The following CWF19L2 variants were observed in gnomAD, a reference collection of about 807,000 sequenced individuals.
CWF19L2 encodes the protein CWF19-like protein 2.
CWF19L2 carries 98 observed loss-of-function variants against 111.7 expected under a neutral mutation model. The observed-to-expected ratio is 0.88, with a 90% CI of 0.75 to 1.04. CWF19L2 has a LOEUF of 1.04. Ranked by LOEUF, CWF19L2 falls within the 50% of genes least tolerant of loss-of-function variation. CWF19L2 has a pLI of 0.00. For missense variants in CWF19L2, 1,101 were observed against 1,051.4 expected, an observed-to-expected ratio of 1.05 and a Z score of -0.65; for synonymous variants, 351 against 342.9, an observed-to-expected ratio of 1.02 and a Z score of -0.26.
Position 107,395,100 on chromosome 11 carries a change from T to A in CWF19L2, c.1618-2205A>T, listed in dbSNP as rs906953388. Reference sequence around the variant, plus strand: ...AAATCTCATCTTGTAGCTCCCATAATTTCCACGTGTTGTAGGAGGGACCCG... The same window carrying A: ...AAATCTCATCTTGTAGCTCCCATAAATTCCACGTGTTGTAGGAGGGACCCG... On this transcript the variant is annotated intron_variant, in intron 10 of 17. Transcript: ENST00000282251. Among the ~76,000 whole-genome samples, 13 of 152,328 alleles carry A rather than the reference T, an allele frequency of 8.5e-5. 1 individual carries two copies. Among genetic ancestry groups the A allele is most frequent in the African/African-American group, 2.9e-4 (12 of 41,580 alleles).
At chr11:107,394,590 T>C (rs891575210) in intron 10 of CWF19L2, among the ~76,000 whole-genome samples, 9 of 152,214 alleles carry the variant, frequency 5.9e-5, no homozygotes, top group African/African-American at 2.2e-4. Flanking sequence ...ATTCATTCAT[T>C]ATTCATTCAT....
chr11:107,455,540 C>T (rs1861841501), intron 2 of CWF19L2, 126 bp downstream of exon 2: 1 of 560,332 alleles, frequency 1.8e-6, no homozygotes, highest in Non-Finnish European at 3.1e-6. Flanking sequence ...TTCAGCAATG[C>T]CAACTATGTG....
At chr11:107,379,264 T>C (rs943037926) in intron 12 of CWF19L2, among the ~76,000 whole-genome samples, 4 of 152,246 alleles carry the variant, frequency 2.6e-5, no homozygotes, top group Non-Finnish European at 5.9e-5. Flanking sequence ...GAGGCAATTT[T>C]GCTTCCTGCC....
chr11:107,396,296 G>T (rs1313734278), intron 10 of CWF19L2, among the ~76,000 whole-genome samples: 4 of 152,118 alleles, frequency 2.6e-5, no homozygotes, highest in Non-Finnish European at 4.4e-5. Context: ...AATGCTCCAG[G>T]TTTTTAAATT....
chr11:107,334,546 G>A (rs1859893937), intron 16 of CWF19L2, among the ~76,000 whole-genome samples: 1 of 152,166 alleles, frequency 6.6e-6, no homozygotes, highest in African/African-American at 2.4e-5. Context: ...ATATATTTCA[G>A]GAAGGCCCTT....
chr11:107,360,673 G>C (rs1860314438), intron 12 of CWF19L2, among the ~76,000 whole-genome samples: 1 of 152,148 alleles, frequency 6.6e-6, no homozygotes, highest in African/African-American at 2.4e-5. Flanking sequence ...TTTAATAGTA[G>C]CCATTCTGGC....
chr11:107,416,043 G>A (rs1338125514), intron 10 of CWF19L2, among the ~76,000 whole-genome samples, 166 bp downstream of exon 10: 1 of 152,002 alleles, frequency 6.6e-6, no homozygotes, highest in East Asian at 1.9e-4. Flanking sequence ...GTTGCAGTGA[G>A]CCAAGATCAT....
chr11:107,397,187 C>T (rs1054796412), intron 10 of CWF19L2, among the ~76,000 whole-genome samples: 1 of 152,082 alleles, frequency 6.6e-6, no homozygotes, highest in African/African-American at 2.4e-5. Flanking sequence ...AGGGAGGGCA[C>T]AAATCCTGCG....
At chr11:107,392,942 T>C (rs767498115) in intron 10 of CWF19L2, 47 bp from the exon 11 acceptor site, 2 of 1,163,190 alleles carry the variant, frequency 1.7e-6, no homozygotes, top group Admixed American at 2.7e-5. Flanking sequence ...GTGAAGAATG[T>C]TGAATGTTTT....
intron 10 of CWF19L2, among the ~76,000 whole-genome samples, chr11:107,409,900 G>A (rs1292907795): frequency 1.3e-5 from 2 of 151,910 alleles, no homozygotes; most frequent in Admixed American, 6.6e-5. Flanking sequence ...AGTATGTCTT[G>A]GTCATCTACA....
chr11:107,350,009 T>G (rs1206688043), intron 13 of CWF19L2, among the ~76,000 whole-genome samples: 1 of 152,064 alleles, frequency 6.6e-6, no homozygotes, highest in East Asian at 1.9e-4. Flanking sequence ...GTCAAATAAG[T>G]TGTAATAAAA....
At chr11:107,387,086 T>C (rs1480519059) in intron 12 of CWF19L2, among the ~76,000 whole-genome samples, 1 of 151,370 alleles carries the variant, frequency 6.6e-6, no homozygotes, top group Non-Finnish European at 1.5e-5. Context: ...TCCAAATCTA[T>C]ATGGGAGAAC....
At chr11:107,443,122 T>A in intron 3 of CWF19L2, 73 bp from the exon 4 acceptor site, 2 of 1,006,242 alleles carry the variant, frequency 2.0e-6, no homozygotes, top group South Asian at 1.4e-5. Context: ...TGCTGTTAAG[T>A]GGTAGAAATT....
At position 107,402,873 on chromosome 11, in the gene CWF19L2, G is replaced by GTGTGTATGTATATATATATATATA. The variant is rs1247886311; in HGVS notation, c.1618-9979_1618-9978insTATATATATATATATACATACACA. Among the ~76,000 whole-genome samples the GTGTGTATGTATATATATATATATA allele has an allele frequency of 3.2e-5, 3 of 94,462 alleles. No individual in the cohort carries two copies. In the East Asian group the frequency reaches 8.9e-4, roughly 28 times the overall value. 62.0% of individuals were successfully genotyped at this position (94,462 alleles called of 152,430 possible). A position where few individuals can be genotyped will look rare whatever the true frequency, so the allele number is the denominator to read the frequency against. ...CGAGTGGATAAACAAACTGTGGTGT[G>GTGTGTATGTATATATATATATATA]TATATATATATATATATATATATAT... On this transcript the variant is annotated intron_variant, in intron 10 of 17. Transcript: ENST00000282251.
intron 3 of CWF19L2, among the ~76,000 whole-genome samples, chr11:107,449,363 T>C (rs541781585): frequency 7.9e-5 from 12 of 152,168 alleles, no homozygotes; most frequent in African/African-American, 2.9e-4. Context: ...AGGAAAATGG[T>C]ATTAGACAGA....
intron 3 of CWF19L2, among the ~76,000 whole-genome samples, chr11:107,445,604 TAA>T (rs11456432): frequency 3.1e-4 from 44 of 143,812 alleles, no homozygotes; most frequent in Non-Finnish European, 3.6e-4. Flanking sequence ...AACTCCGCCT[TAA>T]AAAAAAAAAA....
At chr11:107,382,572 C>T (rs1860704467) in intron 12 of CWF19L2, among the ~76,000 whole-genome samples, 1 of 152,122 alleles carries the variant, frequency 6.6e-6, no homozygotes, top group Non-Finnish European at 1.5e-5. Context: ...TACTATATAC[C>T]TATTATGTTC....
At chr11:107,358,648 G>A (rs1860275505) in intron 12 of CWF19L2, among the ~76,000 whole-genome samples, 1 of 152,286 alleles carries the variant, frequency 6.6e-6, no homozygotes, top group South Asian at 2.1e-4. Context: ...CGAGAACAGG[G>A]AAATCTATAG....
chr11:107,414,951 A>G (rs1861204754), intron 10 of CWF19L2, among the ~76,000 whole-genome samples: 1 of 152,206 alleles, frequency 6.6e-6, no homozygotes, highest in Non-Finnish European at 1.5e-5. Context: ...AGCTTCTGCA[A>G]ACCGTTCTTA....
Sources: allele counts gnomAD v4.1 joint callset (sites outside exome capture counted in the v4.1 genomes callset), GRCh38; gene constraint gnomAD v4.1.1; transcripts MANE v1.5; gene names NCBI Gene and HGNC (gene_info 2026-07-23, HGNC 2026-07-21).